Variants in TSHR observed in about 807,000 individuals in gnomAD.
The protein encoded by TSHR is thyroid stimulating hormone receptor, also known as thyrotropin receptor.
In TSHR, 51 loss-of-function variants were observed where a neutral mutation model predicts 64.1. That is an observed-to-expected ratio of 0.80 (90% CI 0.64 to 1.01). The LOEUF (loss-of-function observed/expected upper bound fraction) is 1.01. TSHR is among the 50% of genes least tolerant of loss of function. The pLI, the probability that TSHR is intolerant of heterozygous loss-of-function variation, is 0.00. For missense variants in TSHR, 877 were observed against 942.8 expected (o/e 0.93, Z 0.91); for synonymous variants, 361 against 361.9 (o/e 1.00, Z 0.03).
chr14:81,015,450 G>A (rs961678514), intron 1 of TSHR, among the ~76,000 whole-genome samples: 5 of 152,052 alleles, frequency 3.3e-5, no homozygotes, highest in South Asian at 4.1e-4. Flanking sequence ...TATTAAATAC[G>A]TGTTCTAAAT....
At chr14:81,107,807 A>G (rs12884578) in intron 7 of TSHR, among the ~76,000 whole-genome samples, 95,519 of 151,468 alleles carry the variant, frequency 0.63, 30,465 homozygotes, top group South Asian at 0.73. Flanking sequence ...ATTGCATGGC[A>G]AATATTTTTA....
rs973228823 is a variant in TSHR at position 81,008,325 on chromosome 14, A to C, written c.170+52475A>C. Among the ~76,000 whole-genome samples the C allele has an allele frequency of 4.6e-5, 7 of 151,408 alleles. No homozygotes were observed. The East Asian group carries it at 1.4e-3, about 29-fold the overall frequency. On this transcript the variant is annotated intron_variant, in intron 1 of 9. Transcript: ENST00000298171. ...TTAGCTGGGACTACAGGCGCCCCCCACCACGCCCGGCTAATTTTTTGTATT... is the reference window on the plus strand; with the variant it reads ...TTAGCTGGGACTACAGGCGCCCCCCCCCACGCCCGGCTAATTTTTTGTATT...
chr14:80,980,693 T>C (rs1888120496), intron 1 of TSHR, among the ~76,000 whole-genome samples: 1 of 152,260 alleles, frequency 6.6e-6, no homozygotes, highest in South Asian at 2.1e-4. Context: ...CTCTTTAATA[T>C]TGTCTGTCCT....
rs1384715206 is a variant in TSHR, at chr14:81,143,392, A to C, written c.1334A>C (p.Lys445Thr). Residue 445 changes from lysine to threonine, a missense_variant, in exon 10 of 10, where the codon AAA becomes ACA. Lys to Thr is a moderately conservative substitution (Grantham distance 78). Transcript: ENST00000298171. ...VLLILLTSHY[K>T]LNVPRFLMCN... ...CTTATTCTCCTCACCAGCCACTACA[A>C]ACTGAACGTCCCCCGCTTTCTCATG... The C allele has an allele frequency of 6.2e-7, 1 of 1,614,032 alleles. No individual in the cohort carries two copies. Among genetic ancestry groups the C allele is most frequent in the East Asian group, 2.2e-5 (1 of 44,870 alleles).
chr14:81,073,021 A>AAAAAAAAAAT (rs1566794433), intron 3 of TSHR, among the ~76,000 whole-genome samples: 4 of 48,566 alleles, frequency 8.2e-5, no homozygotes, highest in African/African-American at 2.8e-4. Context: ...ATAAAAAATA[A>AAAAAAAAAAT]ATATATATAT....
intron 1 of TSHR, among the ~76,000 whole-genome samples, chr14:81,005,773 T>A (rs142595307): frequency 6.6e-6 from 1 of 152,278 alleles, no homozygotes; most frequent in African/African-American, 2.4e-5. Context: ...TAAGGAGTGA[T>A]GAAAGGAGGA....
chr14:80,981,132 CAT>C (rs1441238821), intron 1 of TSHR, among the ~76,000 whole-genome samples: 1 of 151,970 alleles, frequency 6.6e-6, no homozygotes, highest in Non-Finnish European at 1.5e-5. Flanking sequence ...ATTATAAACT[CAT>C]TTATCATTGA....
intron 7 of TSHR, among the ~76,000 whole-genome samples, chr14:81,102,026 G>T (rs1005875949): frequency 6.6e-6 from 1 of 151,956 alleles, no homozygotes. Flanking sequence ...AAAAAAATTA[G>T]CTGGGCGTGG....
chr14:81,139,744 T>C lies in TSHR; in HGVS notation c.758T>C (p.Ile253Thr), dbSNP rs1891604207. The change falls in exon 9 of 10, where the codon ATA becomes ACA. Residue 253 changes from isoleucine to threonine, a missense_variant. Transcript: ENST00000298171. ...SKGLEHLKEL[I>T]ARNTWTLKKL... ...GGCCTGGAGCACCTGAAGGAACTGA[T>C]AGCAAGAAACACCTGGACTCTTAAG... 1.2e-6 allele frequency: 2 copies of C among 1,614,226 alleles called. No homozygotes were observed. The highest frequency in any genetic ancestry group is 2.2e-5 in the South Asian group (2 of 91,078).
chr14:81,137,736 C>T (rs541744896), intron 8 of TSHR, among the ~76,000 whole-genome samples: 8 of 152,294 alleles, frequency 5.3e-5, no homozygotes, highest in Admixed American at 2.6e-4. Context: ...TGTTTTGTCA[C>T]GCAGTAACTG....
intron 6 of TSHR, chr14:81,094,265 C>G (rs920217665): frequency 6.6e-6 from 1 of 152,192 alleles, no homozygotes; most frequent in Non-Finnish European, 1.5e-5. Flanking sequence ...ATTCTTTTGT[C>G]TTGCTTCACC....
intron 8 of TSHR, among the ~76,000 whole-genome samples, chr14:81,134,080 CA>C (rs1167383983): frequency 6.6e-6 from 1 of 152,112 alleles, no homozygotes; most frequent in African/African-American, 2.4e-5. Context: ...TGTTCCTAAA[CA>C]AAGGGGTATG....
Position 81,139,664 on chromosome 14 carries a change from TTC to T in TSHR, c.693-11_693-10del. ...CTCACTGCCTCTCTGCATTTTTCTG[TTC>T]TCTGCCTCCCAGGGACGTGTCTCAA... On this transcript the variant is annotated splice_polypyrimidine_tract_variant and intron_variant, in intron 8 of 9. Coordinates refer to ENST00000298171, the MANE Select transcript of TSHR (RefSeq NM_000369.5). 1 of 1,613,692 alleles carries T rather than the reference TTC, an allele frequency of 6.2e-7. No individual in the cohort carries two copies. The highest frequency in any genetic ancestry group is 1.1e-5 in the South Asian group (1 of 91,056).
chr14:81,143,523 C>A lies in TSHR; in HGVS notation c.1465C>A (p.Gln489Lys). 2 of 1,613,598 alleles carry A rather than the reference C, an allele frequency of 1.2e-6. No homozygotes were observed. Among genetic ancestry groups the A allele is most frequent in the South Asian group, 2.2e-5 (2 of 91,078 alleles). ...GTACTACAACCATGCCATCGACTGG[C>A]AGACAGGCCCTGGGTGCAACACGGC... ...SEYYNHAIDW[Q>K]TGPGCNTAGF... is the part of the protein sequence containing the mutation. The change falls in exon 10 of 10, where the codon CAG (glutamine) becomes AAG (lysine). Residue 489 changes from glutamine (Q) to lysine (K), a missense_variant. Gln to Lys is a moderately conservative substitution (Grantham distance 53). Coordinates refer to ENST00000298171, the MANE Select transcript of TSHR (RefSeq NM_000369.5).
At position 81,143,105 on chromosome 14, in the gene TSHR, C is replaced by T. The variant is rs370857348; in HGVS notation, c.1047C>T (p.Asn349=). 38 of 1,614,158 alleles carry T rather than the reference C, an allele frequency of 2.4e-5. No homozygotes were observed. Among genetic ancestry groups the T allele is most frequent in the Admixed American group, 5.0e-5 (3 of 60,018 alleles). Residue 349 remains asparagine, a synonymous_variant, in exon 10 of 10, where the codon AAC becomes AAT. Coordinates refer to ENST00000298171, the MANE Select transcript of TSHR (RefSeq NM_000369.5). ...EKSKFQDTHN[N]AHYYVFFEEQ... ...CCAAGTTCCAGGATACTCATAACAA[C>T]GCTCATTATTACGTCTTCTTTGAAG...
chr14:81,111,133 G>GTGTAGTCT (rs1458311181), intron 8 of TSHR, among the ~76,000 whole-genome samples: 1 of 152,164 alleles, frequency 6.6e-6, no homozygotes, highest in Non-Finnish European at 1.5e-5. Context: ...AGAATTTGAA[G>GTGTAGTCT]ACCAATAGTG....
intron 1 of TSHR, among the ~76,000 whole-genome samples, chr14:81,005,102 A>G (rs3783943): frequency 0.32 from 48,307 of 152,046 alleles, 9,175 homozygotes; most frequent in South Asian, 0.42. Flanking sequence ...TTTCTCTCCT[A>G]TAATATTTAA....
chr14:81,042,214 A>G (rs895301802), intron 1 of TSHR, among the ~76,000 whole-genome samples: 2 of 152,204 alleles, frequency 1.3e-5, no homozygotes, highest in African/African-American at 4.8e-5. Context: ...GACAGCCATT[A>G]TGGAAAACAG....
chr14:81,089,160 G>T (rs369423506), intron 4 of TSHR, among the ~76,000 whole-genome samples: 7 of 142,464 alleles, frequency 4.9e-5, no homozygotes, highest in African/African-American at 1.7e-4. Flanking sequence ...GCTAATTTTT[G>T]TATTTTTAGT....
Sources: gnomAD v4.1 joint callset for allele counts (sites outside exome capture counted in the v4.1 genomes callset) on GRCh38, gnomAD v4.1.1 for gene constraint, MANE v1.5 for transcripts, NCBI Gene and HGNC (gene_info 2026-07-23, HGNC 2026-07-21) for gene names.